The following USP37 variants were observed in gnomAD, a reference collection of about 807,000 sequenced individuals.
The protein encoded by USP37 is ubiquitin carboxyl-terminal hydrolase 37.
In USP37, 27 loss-of-function variants were observed where a neutral mutation model predicts 124.0. The observed-to-expected ratio is 0.22, with a 90% CI of 0.16 to 0.30. The LOEUF is 0.30. USP37 is among the 10% of genes least tolerant of loss of function. The pLI is 1.00. For missense variants in USP37, 889 were observed against 1,140.4 expected, an observed-to-expected ratio of 0.78 and a Z score of 3.17; for synonymous variants, 365 against 388.0, an observed-to-expected ratio of 0.94 and a Z score of 0.70.
intron 14 of USP37, among the ~76,000 whole-genome samples, chr2:218,489,451 C>T (rs115319311): frequency 1.2e-3 from 189 of 151,934 alleles, no homozygotes; most frequent in South Asian, 7.3e-3. Context: ...CTTTTCCAAT[C>T]ACTACCCTCC....
intron 13 of USP37, 74 bp from the exon 14 acceptor site, chr2:218,496,024 T>A (rs1486396035): frequency 1.4e-6 from 2 of 1,443,424 alleles, no homozygotes; most frequent in East Asian, 4.6e-5. Flanking sequence ...CTGGGTGTTG[T>A]GCCTCATACC....
chr2:218,544,406 A>AAAAAAT (rs1312705279), intron 8 of USP37, among the ~76,000 whole-genome samples: 5 of 82,994 alleles, frequency 6.0e-5, no homozygotes, highest in Non-Finnish European at 9.9e-5. Flanking sequence ...AAAAAAAAAA[A>AAAAAAT]ATATATATAT....
chr2:218,497,703 T>C (rs1337979124), intron 13 of USP37, 31 bp downstream of exon 13: 1 of 1,611,900 alleles, frequency 6.2e-7, no homozygotes. Flanking sequence ...GTGTCAGGCC[T>C]CTGAAACGTT....
chr2:218,499,617 G>C (rs1316533045), intron 11 of USP37, among the ~76,000 whole-genome samples: 1 of 152,110 alleles, frequency 6.6e-6, no homozygotes, highest in African/African-American at 2.4e-5. Flanking sequence ...ATCCAAGAAG[G>C]TTCTTTATAG....
At chr2:218,554,740 T>G (rs1443719125) in intron 4 of USP37, among the ~76,000 whole-genome samples, 1 of 130,692 alleles carries the variant, frequency 7.7e-6, no homozygotes, top group Non-Finnish European at 1.7e-5. Flanking sequence ...GAGCAAAACT[T>G]TGTCTCAAAA....
At chr2:218,554,783 T>C (rs1466406118) in intron 4 of USP37, among the ~76,000 whole-genome samples, 1 of 152,054 alleles carries the variant, frequency 6.6e-6, no homozygotes, top group Admixed American at 6.6e-5. Flanking sequence ...AATCTTTGTC[T>C]TTTGTTAAAC....
At chr2:218,539,060 CAG>C (rs1245354698) in intron 8 of USP37, among the ~76,000 whole-genome samples, 1 of 151,114 alleles carries the variant, frequency 6.6e-6, no homozygotes, top group Non-Finnish European at 1.5e-5. Context: ...CTCTGCCTCC[CAG>C]GCTCAAGCCA....
At chr2:218,552,818 TC>T (rs1276395999) in intron 5 of USP37, among the ~76,000 whole-genome samples, 1 of 152,078 alleles carries the variant, frequency 6.6e-6, no homozygotes, top group Non-Finnish European at 1.5e-5. Flanking sequence ...AGGTAACTTT[TC>T]CCAACTGTAA....
chr2:218,475,347 G>C (rs1221700445), intron 19 of USP37, among the ~76,000 whole-genome samples: 1 of 152,228 alleles, frequency 6.6e-6, no homozygotes, highest in East Asian at 1.9e-4. Context: ...GCTGGGCGAG[G>C]TGGCTCACGC....
chr2:218,538,201 C>T (rs1031467536), intron 8 of USP37, among the ~76,000 whole-genome samples: 4 of 152,144 alleles, frequency 2.6e-5, no homozygotes, highest in African/African-American at 9.7e-5. Context: ...ACTATAGTCC[C>T]ACTAGGGACT....
intron 10 of USP37, among the ~76,000 whole-genome samples, chr2:218,511,146 CTT>C (rs532510107): frequency 6.8e-6 from 1 of 146,990 alleles, no homozygotes. Context: ...TAGAGTAGGT[CTT>C]TTTTTTTTTG....
At chr2:218,471,245 T>C (rs565965484) in intron 20 of USP37, among the ~76,000 whole-genome samples, 66 of 152,246 alleles carry the variant, frequency 4.3e-4, no homozygotes, top group African/African-American at 1.4e-3. Flanking sequence ...AAGGAGATAA[T>C]TGGCATTTCC....
At chr2:218,520,738 A>C (rs1283242202) in intron 10 of USP37, among the ~76,000 whole-genome samples, 2 of 152,226 alleles carry the variant, frequency 1.3e-5, no homozygotes, top group African/African-American at 4.8e-5. Context: ...TTTGGTTTTT[A>C]TATCTCTTAA....
chr2:218,479,553 G>T, intron 18 of USP37, 97 bp downstream of exon 18: 1 of 1,028,050 alleles, frequency 9.7e-7, no homozygotes, highest in Non-Finnish European at 1.5e-6. Flanking sequence ...CATGCAAAAA[G>T]AAAAACAATA....
intron 17 of USP37, 46 bp downstream of exon 17, chr2:218,482,020 CCTTT>C: frequency 6.6e-7 from 1 of 1,521,236 alleles, no homozygotes; most frequent in Admixed American, 2.0e-5. Flanking sequence ...GATACTAAAG[CCTTT>C]CTATTTCAAA....
chr2:218,458,070 GA>G (rs538026681), intron 23 of USP37, among the ~76,000 whole-genome samples: 27 of 137,198 alleles, frequency 2.0e-4, no homozygotes, highest in South Asian at 4.7e-4. Context: ...GAAAAGAAAA[GA>G]AAAAAAAAAT....
At chr2:218,557,485 G>A (rs1693058859) in intron 4 of USP37, among the ~76,000 whole-genome samples, 1 of 151,438 alleles carries the variant, frequency 6.6e-6, no homozygotes, top group South Asian at 2.1e-4. Context: ...TTTGATACAC[G>A]AAATCATAGG....
intron 11 of USP37, among the ~76,000 whole-genome samples, chr2:218,503,481 C>T (rs1037424856): frequency 7.2e-5 from 11 of 152,148 alleles, no homozygotes; most frequent in African/African-American, 2.4e-4. Flanking sequence ...CTTTGGAGGC[C>T]GAGGCGGGCA....
chr2:218,537,865 G>C (rs959694019), intron 8 of USP37, among the ~76,000 whole-genome samples: 2 of 152,106 alleles, frequency 1.3e-5, no homozygotes, highest in African/African-American at 2.4e-5. Context: ...TGTAAAGTAT[G>C]GCATACTACT....
Sources: allele counts gnomAD v4.1 joint callset (sites outside exome capture counted in the v4.1 genomes callset), GRCh38; gene constraint gnomAD v4.1.1; transcripts MANE v1.5; gene names NCBI Gene and HGNC (gene_info 2026-07-23, HGNC 2026-07-21).